Variants in AGBL4 observed in about 807,000 individuals in gnomAD.
The protein encoded by AGBL4 is AGBL carboxypeptidase 4.
AGBL4 carries 58 observed loss-of-function variants against 66.4 expected under a neutral mutation model. The observed-to-expected ratio is 0.87, with a 90% confidence interval of 0.71 to 1.09. AGBL4 has a LOEUF of 1.09. Ranked by LOEUF, AGBL4 falls within the 50% of genes least tolerant of loss-of-function variation. The probability of loss-of-function intolerance (pLI) is 0.00; values close to 1 mark genes in which losing one functional copy is unlikely to be tolerated. For missense variants in AGBL4, 579 were observed against 631.0 expected, an observed-to-expected ratio of 0.92 and a Z score of 0.88; for synonymous variants, 234 against 222.9, an observed-to-expected ratio of 1.05 and a Z score of -0.44.
intron 8 of AGBL4, among the ~76,000 whole-genome samples, chr1:48,639,501 G>A (rs1251953757): frequency 6.6e-6 from 1 of 152,242 alleles, no homozygotes; most frequent in East Asian, 1.9e-4. Context: ...CTCAATATAT[G>A]ATTCTAAAGC....
intron 3 of AGBL4, among the ~76,000 whole-genome samples, chr1:49,508,310 A>G (rs991278825): frequency 9.2e-5 from 14 of 152,146 alleles, no homozygotes; most frequent in African/African-American, 2.9e-4. Context: ...CAGATAAATG[A>G]GAAGTGCCAA....
chr1:49,820,125 A>G (rs1044075880), intron 2 of AGBL4, among the ~76,000 whole-genome samples: 1 of 152,176 alleles, frequency 6.6e-6, no homozygotes, highest in Non-Finnish European at 1.5e-5. Context: ...CAGACATTTA[A>G]AAATCAGAAT....
At chr1:48,870,556 T>G (rs1440590386) in intron 5 of AGBL4, among the ~76,000 whole-genome samples, 2 of 152,194 alleles carry the variant, frequency 1.3e-5, no homozygotes, top group Non-Finnish European at 2.9e-5. Flanking sequence ...CCAAGACTTT[T>G]CCCCTGCTAC....
chr1:48,935,958 G>GAAAAAAAAAAAAAAAAAAAAA (rs71056686), intron 5 of AGBL4, among the ~76,000 whole-genome samples: 2 of 24,584 alleles, frequency 8.1e-5, no homozygotes, highest in Non-Finnish European at 1.7e-4. Context: ...GACTCTGTCT[G>GAAAAAAAAAAAAAAAAAAAAA]AAAAAAAAAA....
intron 1 of AGBL4, among the ~76,000 whole-genome samples, chr1:49,960,284 A>G (rs1657011916): frequency 6.6e-6 from 1 of 152,114 alleles, no homozygotes; most frequent in Non-Finnish European, 1.5e-5. Flanking sequence ...ATGGAACTGG[A>G]GGACATTATG....
chr1:49,876,912 T>C (rs1337508114), intron 1 of AGBL4, among the ~76,000 whole-genome samples: 2 of 151,268 alleles, frequency 1.3e-5, no homozygotes, highest in Non-Finnish European at 2.9e-5. Context: ...TTTATTCTCT[T>C]TGAAGCAATT....
chr1:49,289,074 C>T (rs1171213635), intron 3 of AGBL4, among the ~76,000 whole-genome samples: 27 of 151,386 alleles, frequency 1.8e-4, no homozygotes, highest in Admixed American at 1.8e-3. Flanking sequence ...GACCCACAGG[C>T]CAATCAAATA....
chr1:49,131,689 A>T (rs1645898960), intron 4 of AGBL4, among the ~76,000 whole-genome samples: 1 of 152,106 alleles, frequency 6.6e-6, no homozygotes, highest in South Asian at 2.1e-4. Flanking sequence ...AGTTTTGAAG[A>T]GATATTTAGG....
chr1:48,812,631 A>T (rs779247292), intron 6 of AGBL4, among the ~76,000 whole-genome samples: 2 of 152,194 alleles, frequency 1.3e-5, no homozygotes, highest in Non-Finnish European at 2.9e-5. Context: ...AAGGATTATA[A>T]ATCATGCTGC....
At chr1:48,715,272 C>G (rs1225976742) in intron 6 of AGBL4, among the ~76,000 whole-genome samples, 2 of 152,180 alleles carry the variant, frequency 1.3e-5, no homozygotes, top group African/African-American at 4.8e-5. Context: ...CAGCAGTTGC[C>G]TCCCCTGGGA....
chr1:48,867,366 C>T (rs951175652), intron 5 of AGBL4, 136 bp from the exon 6 acceptor site: 5 of 883,144 alleles, frequency 5.7e-6, no homozygotes, highest in Non-Finnish European at 7.4e-6. Flanking sequence ...GTACTCACTT[C>T]CAATTCTGCA....
intron 8 of AGBL4, among the ~76,000 whole-genome samples, chr1:48,639,759 C>A (rs769003341): frequency 6.6e-5 from 10 of 152,128 alleles, no homozygotes; most frequent in Non-Finnish European, 2.9e-5. Flanking sequence ...GCATTCCAGG[C>A]AAAGGGTATA....
At chr1:49,832,156 C>T (rs1645705516) in intron 2 of AGBL4, among the ~76,000 whole-genome samples, 1 of 151,790 alleles carries the variant, frequency 6.6e-6, no homozygotes, top group Admixed American at 6.6e-5. Context: ...CTTCCCCCAC[C>T]CCACAGCAGT....
At chr1:48,706,160 T>A (rs550193746) in intron 6 of AGBL4, among the ~76,000 whole-genome samples, 2 of 152,262 alleles carry the variant, frequency 1.3e-5, no homozygotes, top group South Asian at 4.1e-4. Context: ...GGGTAGTGAG[T>A]TTGCAAGTGT....
chr1:49,941,136 G>T (rs866190635), intron 1 of AGBL4, among the ~76,000 whole-genome samples: 1 of 151,970 alleles, frequency 6.6e-6, no homozygotes, highest in African/African-American at 2.4e-5. Flanking sequence ...ACTGAATTAT[G>T]AAAAAATAGA....
chr1:49,177,212 C>A (rs568557967), intron 4 of AGBL4, among the ~76,000 whole-genome samples: 1 of 152,202 alleles, frequency 6.6e-6, no homozygotes, highest in Non-Finnish European at 1.5e-5. Context: ...TAATCTAGTA[C>A]AGAAACATAA....
chr1:49,731,396 G>C (rs146795475), intron 2 of AGBL4, among the ~76,000 whole-genome samples: 665 of 152,278 alleles, frequency 4.4e-3, no homozygotes, highest in Middle Eastern at 0.01. Flanking sequence ...ATAAAGCACT[G>C]TACAAAGGCT....
intron 1 of AGBL4, among the ~76,000 whole-genome samples, chr1:49,997,226 A>C (rs1305236230): frequency 6.6e-6 from 1 of 152,200 alleles, no homozygotes; most frequent in Admixed American, 6.5e-5. Flanking sequence ...ATTGAATATA[A>C]ATGGCCTAAA....
At chr1:48,934,526 T>A (rs985090919) in intron 5 of AGBL4, among the ~76,000 whole-genome samples, 1 of 152,162 alleles carries the variant, frequency 6.6e-6, no homozygotes, top group African/African-American at 2.4e-5. Context: ...TACACAACGG[T>A]ATGCTAGACA....
Sources: gnomAD v4.1 joint callset for allele counts (sites outside exome capture counted in the v4.1 genomes callset) on GRCh38, gnomAD v4.1.1 for gene constraint, MANE v1.5 for transcripts, NCBI Gene and HGNC (gene_info 2026-07-23, HGNC 2026-07-21) for gene names.